The following LIN7A variants were observed in gnomAD, a reference collection of about 807,000 sequenced individuals.
The protein encoded by LIN7A is lin-7 cell polarity scaffold A.
A neutral mutation model predicts 29.8 loss-of-function variants in LIN7A; 25 were observed. The observed-to-expected ratio is 0.84, with a 90% CI of 0.61 to 1.17. The LOEUF (loss-of-function observed/expected upper bound fraction) is 1.17. LIN7A is among the 50% of genes most tolerant of loss of function. LIN7A has a pLI of 0.00. For synonymous variants in LIN7A, 118 were observed against 107.5 expected, an observed-to-expected ratio of 1.10 and a Z score of -0.60; for missense variants, 239 against 287.0, an observed-to-expected ratio of 0.83 and a Z score of 1.21.
chr12:80,835,184 G>A (rs1872548652), intron 4 of LIN7A, among the ~76,000 whole-genome samples: 1 of 152,122 alleles, frequency 6.6e-6, no homozygotes, highest in African/African-American at 2.4e-5. Flanking sequence ...GTAAATTAAG[G>A]AAAAATGTTG....
chr12:80,846,335 C>A (rs1873077335), intron 3 of LIN7A, among the ~76,000 whole-genome samples: 1 of 152,138 alleles, frequency 6.6e-6, no homozygotes, highest in Admixed American at 6.5e-5. Context: ...GAGATGGCGT[C>A]TTGCACTCTT....
At chr12:80,826,089 G>A (rs1270686374) in intron 4 of LIN7A, among the ~76,000 whole-genome samples, 2 of 143,602 alleles carry the variant, frequency 1.4e-5, no homozygotes, top group Non-Finnish European at 3.2e-5. Flanking sequence ...ATTCAACATT[G>A]CAGATGCTTT....
At chr12:80,848,213 TG>T in intron 3 of LIN7A, 37 bp downstream of exon 3, 1 of 1,451,198 alleles carries the variant, frequency 6.9e-7, no homozygotes, top group Non-Finnish European at 9.7e-7. Context: ...ACTAGATAAC[TG>T]GGGTCAAGTA....
chr12:80,908,679 A>C (rs1025495381), intron 1 of LIN7A, among the ~76,000 whole-genome samples: 5 of 152,080 alleles, frequency 3.3e-5, no homozygotes, highest in African/African-American at 1.2e-4. Flanking sequence ...ATTTTTAAAA[A>C]CAGCATTCTA....
chr12:80,828,800 G>T (rs934593822), intron 4 of LIN7A, among the ~76,000 whole-genome samples: 4 of 151,564 alleles, frequency 2.6e-5, no homozygotes, highest in African/African-American at 9.7e-5. Context: ...AATAAATGTG[G>T]GGTGTGTGTG....
At chr12:80,924,747 A>C (rs1490420542) in intron 1 of LIN7A, among the ~76,000 whole-genome samples, 3 of 152,180 alleles carry the variant, frequency 2.0e-5, no homozygotes, top group South Asian at 4.1e-4. Context: ...TATTTACCCC[A>C]GTCAGTTACT....
chr12:80,897,699 G>A (rs1348864284), intron 1 of LIN7A, among the ~76,000 whole-genome samples: 1 of 152,000 alleles, frequency 6.6e-6, no homozygotes, highest in African/African-American at 2.4e-5. Flanking sequence ...CAGCTACTCG[G>A]GAGACTGAGG....
At chr12:80,855,439 A>G (rs566126557) in intron 2 of LIN7A, among the ~76,000 whole-genome samples, 3 of 152,266 alleles carry the variant, frequency 2.0e-5, no homozygotes, top group African/African-American at 7.2e-5. Context: ...TAAGAGTTGA[A>G]TAAAGAAAAA....
intron 4 of LIN7A, among the ~76,000 whole-genome samples, chr12:80,834,472 T>C (rs1457163864): frequency 6.6e-6 from 1 of 152,168 alleles, no homozygotes; most frequent in Non-Finnish European, 1.5e-5. Context: ...AGGTTGGCTG[T>C]GATAAAATTA....
intron 1 of LIN7A, among the ~76,000 whole-genome samples, chr12:80,916,127 A>C (rs1174135986): frequency 2.0e-5 from 3 of 152,188 alleles, no homozygotes; most frequent in African/African-American, 7.2e-5. Context: ...GCCTGATCCC[A>C]ACCACCACCA....
chr12:80,927,344 G>A (rs1877659526), intron 1 of LIN7A, among the ~76,000 whole-genome samples: 1 of 151,744 alleles, frequency 6.6e-6, no homozygotes, highest in African/African-American at 2.4e-5. Context: ...TGTATTTTTA[G>A]CAGAGACGGG....
At chr12:80,919,529 G>A (rs12818165) in intron 1 of LIN7A, among the ~76,000 whole-genome samples, 7,620 of 152,156 alleles carry the variant, frequency 0.05, 291 homozygotes, top group South Asian at 0.2. Flanking sequence ...AACTTCCACC[G>A]GGTGCTTCCT....
chr12:80,878,715 A>AT (rs1874858972), intron 2 of LIN7A, among the ~76,000 whole-genome samples: 1 of 151,748 alleles, frequency 6.6e-6, no homozygotes. Context: ...TGATTGGTCC[A>AT]TTTTACAGTG....
At chr12:80,837,840 C>CTCA (rs112671811) in intron 4 of LIN7A, among the ~76,000 whole-genome samples, 20,126 of 150,536 alleles carry the variant, frequency 0.13, 1,447 homozygotes, top group East Asian at 0.25. Flanking sequence ...CATCATCATC[C>CTCA]TCATCATCAT....
At position 80,873,444 on chromosome 12, in the gene LIN7A, G is replaced by A. The variant is rs916310952; in HGVS notation, c.201+15807C>T. ...ACTACTCAGGAGGCTGAGGTAGGAG[G>A]ACTGCTTGAGCCCAGGAGTTTGAGG... is the stretch of plus-strand genomic sequence containing the variant. On this transcript the variant is annotated intron_variant, in intron 2 of 5. Coordinates refer to ENST00000552864, the MANE Select transcript of LIN7A (RefSeq NM_004664.4). Among the ~76,000 whole-genome samples, 159 of 151,502 alleles carry A rather than the reference G, an allele frequency of 1.0e-3. 1 individual carries two copies. Among genetic ancestry groups the A allele is most frequent in the Admixed American group, 0.01 (159 of 15,226 alleles).
chr12:80,877,014 G>A (rs1397868668), intron 2 of LIN7A, among the ~76,000 whole-genome samples: 5 of 151,518 alleles, frequency 3.3e-5, no homozygotes, highest in Non-Finnish European at 4.4e-5. Flanking sequence ...TCCAGCTACT[G>A]GGGAGGCTAA....
At chr12:80,855,632 T>C (rs1237633162) in intron 2 of LIN7A, among the ~76,000 whole-genome samples, 2 of 152,130 alleles carry the variant, frequency 1.3e-5, no homozygotes, top group Non-Finnish European at 2.9e-5. Context: ...TGAAAGCAGA[T>C]TTTAGGCCAA....
intron 2 of LIN7A, among the ~76,000 whole-genome samples, chr12:80,873,564 T>G (rs1183081500): frequency 6.7e-6 from 1 of 149,540 alleles, no homozygotes; most frequent in Non-Finnish European, 1.5e-5. Context: ...AAAGTAAAAA[T>G]AAAACATTCT....
chr12:80,818,409 C>T (rs1226532296), intron 4 of LIN7A, among the ~76,000 whole-genome samples: 2 of 152,274 alleles, frequency 1.3e-5, no homozygotes, highest in South Asian at 4.1e-4. Context: ...ATCCTTGCAA[C>T]ATATCTGTTA....
Sources: gnomAD v4.1 joint callset for allele counts (sites outside exome capture counted in the v4.1 genomes callset) on GRCh38, gnomAD v4.1.1 for gene constraint, MANE v1.5 for transcripts, NCBI Gene and HGNC (gene_info 2026-07-23, HGNC 2026-07-21) for gene names.